Variants in TECRL observed in about 807,000 individuals in gnomAD.
The protein encoded by TECRL is trans-2,3-enoyl-CoA reductase-like.
Under a neutral mutation model 52.8 loss-of-function variants are expected in TECRL, and 63 were observed. The observed-to-expected ratio is 1.19, with a 90% CI of 0.97 to 1.47. The LOEUF is 1.47. Among genes scored for constraint, TECRL ranks in the 40% most tolerant of loss-of-function variants. The pLI, the probability that TECRL is intolerant of heterozygous loss-of-function variation, is 0.00. For missense variants in TECRL, 482 were observed against 429.6 expected, an observed-to-expected ratio of 1.12 and a Z score of -1.08; for synonymous variants, 164 against 141.9, an observed-to-expected ratio of 1.16 and a Z score of -1.10.
chr4:64,314,696 A>T lies in TECRL; in HGVS notation c.503T>A (p.Ile168Lys), dbSNP rs762088138. Reference sequence around the variant, plus strand: ...TCTAGCACTCTCTTTTCCATCATATATACATGGGATCCTCAAATAAAAGAG... The same window carrying T: ...TCTAGCACTCTCTTTTCCATCATATTTACATGGGATCCTCAAATAAAAGAG... ...YLLFYLRIPC[I>K]YDGKESARRL... is the part of the protein sequence containing the mutation. The change falls in exon 5 of 12, where the codon ATA becomes AAA. Residue 168 changes from isoleucine (I) to lysine (K), a missense_variant. Ile to Lys is a moderately radical substitution (Grantham distance 102). Transcript: ENST00000381210. The T allele has an allele frequency of 6.2e-7, 1 of 1,613,346 alleles. No individual in the cohort carries two copies. Among genetic ancestry groups the T allele is most frequent in the African/African-American group, 1.3e-5 (1 of 74,738 alleles).
chr4:64,385,156 A>T (rs917860271), intron 1 of TECRL, among the ~76,000 whole-genome samples: 1 of 152,014 alleles, frequency 6.6e-6, no homozygotes, highest in Non-Finnish European at 1.5e-5. Context: ...TCTGGTGACC[A>T]GGTGGGCCAG....
At chr4:64,312,233 G>T (rs2110004476) in intron 5 of TECRL, among the ~76,000 whole-genome samples, 1 of 152,182 alleles carries the variant, frequency 6.6e-6, no homozygotes, top group South Asian at 2.1e-4. Flanking sequence ...TGGAATTTAA[G>T]AATTCATCTT....
rs1234646618 is a variant in TECRL at position 64,345,855 on chromosome 4, ATCT to A, written c.287-17302_287-17300del. 2.1e-5 allele frequency among the ~76,000 whole-genome samples: 3 copies of A among 140,422 alleles called. No individual in the cohort carries two copies. The Admixed American group carries it at 2.3e-4, about 11-fold the overall frequency. The allele number at this position is 140,422 out of a possible 152,430, so 92.1% of individuals were successfully genotyped here. ...TTCCACTTTGACTACACATTGTAAC[ATCT>A]TCTTCCACTGTAATAAGACTAACCC... is the stretch of plus-strand genomic sequence containing the variant. On this transcript the variant is annotated intron_variant, in intron 2 of 11. Transcript: ENST00000381210.
At chr4:64,374,707 C>T (rs1253067363) in intron 2 of TECRL, among the ~76,000 whole-genome samples, 1 of 151,982 alleles carries the variant, frequency 6.6e-6, no homozygotes, top group Non-Finnish European at 1.5e-5. Flanking sequence ...TGATGGTTTC[C>T]AGCTTCATCC....
In TECRL at chr4:64,349,850, T is replaced by C. The variant is rs542473580; in HGVS notation, c.287-21294A>G. Among the ~76,000 whole-genome samples the C allele has an allele frequency of 4.9e-4, 74 of 152,278 alleles. 1 individual carries two copies. The highest frequency in any genetic ancestry group is 1.3e-3 in the Admixed American group (20 of 15,288). The stretch of plus-strand genomic sequence containing the variant: ...TATACATCAAAAATAATAATGGAAT[T>C]TATAGGTGAAGAGTAATAGTGTGGT... On this transcript the variant is annotated intron_variant, in intron 2 of 11. Coordinates refer to ENST00000381210, the MANE Select transcript of TECRL (RefSeq NM_001010874.5).
chr4:64,314,910 T>C, intron 4 of TECRL, 147 bp from the exon 5 acceptor site: 2 of 646,214 alleles, frequency 3.1e-6, no homozygotes, highest in Non-Finnish European at 5.6e-6. Flanking sequence ...AATAACGACT[T>C]CCTTGGAAGA....
intron 8 of TECRL, among the ~76,000 whole-genome samples, chr4:64,294,475 T>A (rs1723570160): frequency 6.6e-6 from 1 of 152,170 alleles, no homozygotes; most frequent in Non-Finnish European, 1.5e-5. Flanking sequence ...ATACTTGTAT[T>A]TTCCTGTTAT....
At chr4:64,394,781 A>G (rs1204358166) in intron 1 of TECRL, among the ~76,000 whole-genome samples, 1 of 152,178 alleles carries the variant, frequency 6.6e-6, no homozygotes, top group East Asian at 1.9e-4. Flanking sequence ...ACGTATACAG[A>G]TAAACATTTG....
chr4:64,300,762 T>A (rs1723972893), intron 7 of TECRL, among the ~76,000 whole-genome samples: 1 of 151,056 alleles, frequency 6.6e-6, no homozygotes, highest in Non-Finnish European at 1.5e-5. Flanking sequence ...TATCCCTTAT[T>A]TTAAAATGTG....
intron 2 of TECRL, among the ~76,000 whole-genome samples, chr4:64,339,689 C>G (rs962049428): frequency 6.6e-6 from 1 of 151,996 alleles, no homozygotes; most frequent in Non-Finnish European, 1.5e-5. Context: ...TCTGAAGATT[C>G]TCTGCTCTGC....
At chr4:64,399,325 A>C (rs918040534) in intron 1 of TECRL, among the ~76,000 whole-genome samples, 3 of 152,196 alleles carry the variant, frequency 2.0e-5, no homozygotes, top group African/African-American at 7.2e-5. Context: ...TGGAACTTAT[A>C]TTTAAAAGAG....
intron 8 of TECRL, among the ~76,000 whole-genome samples, chr4:64,299,594 T>C (rs1411335887): frequency 1.3e-5 from 2 of 151,154 alleles, no homozygotes; most frequent in Non-Finnish European, 3.0e-5. Context: ...TCTGAGTTCA[T>C]CTTGAATTAG....
chr4:64,351,493 C>A (rs1339544495), intron 2 of TECRL, among the ~76,000 whole-genome samples: 1 of 152,062 alleles, frequency 6.6e-6, no homozygotes, highest in Non-Finnish European at 1.5e-5. Flanking sequence ...AGGCTGGTCT[C>A]AACTCCTGGA....
At position 64,294,880 on chromosome 4, in the gene TECRL, A is replaced by G. The variant is rs150575486; in HGVS notation, c.774+5094T>C. 1.3e-4 allele frequency among the ~76,000 whole-genome samples: 20 copies of G among 152,206 alleles called. No individual in the cohort carries two copies. In the East Asian group the frequency reaches 3.1e-3, roughly 23 times the overall value. Reference sequence around the variant, plus strand: ...TTACAAAGTTTCACTTAGGAAATTTATTAACTATTCTGATCTTGGACAATT... The same window carrying G: ...TTACAAAGTTTCACTTAGGAAATTTGTTAACTATTCTGATCTTGGACAATT... On this transcript the variant is annotated intron_variant, in intron 8 of 11. Transcript: ENST00000381210.
At chr4:64,313,055 A>T (rs1717163849) in intron 5 of TECRL, among the ~76,000 whole-genome samples, 1 of 152,132 alleles carries the variant, frequency 6.6e-6, no homozygotes, top group East Asian at 1.9e-4. Context: ...TTCTTTATAA[A>T]TTACTCAGTC....
At chr4:64,358,178 C>T (rs1053239718) in intron 2 of TECRL, among the ~76,000 whole-genome samples, 27 of 151,580 alleles carry the variant, frequency 1.8e-4, no homozygotes, top group Admixed American at 4.6e-4. Context: ...GTATGCTAAA[C>T]GTTAAAATGA....
At chr4:64,283,378 G>C (rs1010138732) in intron 9 of TECRL, among the ~76,000 whole-genome samples, 1 of 152,038 alleles carries the variant, frequency 6.6e-6, no homozygotes, top group South Asian at 2.1e-4. Flanking sequence ...TGGCATTTTA[G>C]AGTTGAATGA....
chr4:64,368,242 C>A (rs1001817905), intron 2 of TECRL, among the ~76,000 whole-genome samples: 1 of 152,114 alleles, frequency 6.6e-6, no homozygotes, highest in African/African-American at 2.4e-5. Flanking sequence ...ATTTCTCCAT[C>A]TAAAATGTTG....
chr4:64,300,488 C>T (rs1369479951), intron 7 of TECRL, among the ~76,000 whole-genome samples: 2 of 150,076 alleles, frequency 1.3e-5, no homozygotes, highest in Non-Finnish European at 3.0e-5. Context: ...TATTACTTGC[C>T]TGACCTTAAA....
Sources: allele counts gnomAD v4.1 joint callset (sites outside exome capture counted in the v4.1 genomes callset), GRCh38; gene constraint gnomAD v4.1.1; transcripts MANE v1.5; gene names NCBI Gene and HGNC (gene_info 2026-07-23, HGNC 2026-07-21).